The following MARCHF1 variants were observed in gnomAD, a reference collection of about 807,000 sequenced individuals.
MARCHF1 encodes membrane associated ring-CH-type finger 1, also known as E3 ubiquitin-protein ligase MARCHF1.
MARCHF1 carries 40 observed loss-of-function variants against 54.2 expected under a neutral mutation model. That is an observed-to-expected ratio of 0.74 (90% confidence interval 0.57 to 0.96). The LOEUF (loss-of-function observed/expected upper bound fraction) is 0.96, where lower values mean the gene tolerates loss of function less well. MARCHF1 is among the 40% of genes least tolerant of loss of function. MARCHF1 has a pLI of 0.00. For synonymous variants in MARCHF1, 236 were observed against 236.3 expected (o/e 1.00, Z 0.01); for missense variants, 586 against 656.5 (o/e 0.89, Z 1.17).
At chr4:163,688,135 G>A (rs1238345288) in intron 5 of MARCHF1, among the ~76,000 whole-genome samples, 2 of 151,004 alleles carry the variant, frequency 1.3e-5, no homozygotes, top group Non-Finnish European at 2.9e-5. Flanking sequence ...TAAACCACAC[G>A]AAAAACAAAT....
intron 9 of MARCHF1, among the ~76,000 whole-genome samples, chr4:163,535,433 T>C (rs1738496840): frequency 1.3e-5 from 2 of 152,144 alleles, no homozygotes; most frequent in African/African-American, 2.4e-5. Context: ...CCCAATGATC[T>C]TGACCTAGTA....
intron 3 of MARCHF1, among the ~76,000 whole-genome samples, chr4:163,854,923 T>C (rs1190056120): frequency 1.3e-5 from 2 of 152,144 alleles, no homozygotes; most frequent in Non-Finnish European, 2.9e-5. Flanking sequence ...ACAGCCTACT[T>C]TTCCACTCCA....
intron 1 of MARCHF1, among the ~76,000 whole-genome samples, chr4:164,346,577 G>T (rs1730104009): frequency 1.3e-5 from 1 of 76,916 alleles, no homozygotes; most frequent in Non-Finnish European, 2.9e-5. Context: ...GACAAATGCT[G>T]ATGTCCTCAA....
At chr4:164,274,958 A>G (rs1016848808) in intron 1 of MARCHF1, among the ~76,000 whole-genome samples, 20 of 151,338 alleles carry the variant, frequency 1.3e-4, no homozygotes, top group South Asian at 4.2e-4. Flanking sequence ...TTACAGGCGT[A>G]AGCCACCACG....
intron 3 of MARCHF1, among the ~76,000 whole-genome samples, chr4:163,867,423 T>A (rs766770008): frequency 3.3e-5 from 5 of 151,880 alleles, no homozygotes; most frequent in Non-Finnish European, 5.9e-5. Context: ...TGGATTTCCT[T>A]CCATATATGA....
intron 1 of MARCHF1, among the ~76,000 whole-genome samples, chr4:164,183,972 A>G (rs759971881): frequency 6.6e-6 from 1 of 152,198 alleles, no homozygotes; most frequent in Admixed American, 6.5e-5. Flanking sequence ...GAAGAATGAA[A>G]GTGCTCCAGG....
intron 1 of MARCHF1, among the ~76,000 whole-genome samples, chr4:164,203,888 T>C (rs1317561764): frequency 6.6e-6 from 1 of 152,198 alleles, no homozygotes; most frequent in African/African-American, 2.4e-5. Context: ...GTTACAATTG[T>C]AAAATGTGTT....
At chr4:163,807,868 A>C (rs1748270088) in intron 4 of MARCHF1, among the ~76,000 whole-genome samples, 2 of 152,192 alleles carry the variant, frequency 1.3e-5, no homozygotes, top group South Asian at 4.1e-4. Context: ...TTCTCCAAGA[A>C]GTGTTAATTA....
intron 5 of MARCHF1, among the ~76,000 whole-genome samples, chr4:163,655,210 T>G (rs764355054): frequency 1.3e-5 from 2 of 151,808 alleles, no homozygotes; most frequent in African/African-American, 2.4e-5. Context: ...AGCTTTACTC[T>G]TTTGTTTATT....
intron 3 of MARCHF1, among the ~76,000 whole-genome samples, chr4:163,942,662 T>C (rs528670358): frequency 1.3e-5 from 2 of 152,306 alleles, no homozygotes; most frequent in African/African-American, 4.8e-5. Flanking sequence ...TGAAGGGATA[T>C]GCATCTTCAA....
intron 1 of MARCHF1, among the ~76,000 whole-genome samples, chr4:164,181,925 A>G (rs1730843502): frequency 6.6e-6 from 1 of 152,138 alleles, no homozygotes; most frequent in Admixed American, 6.5e-5. Flanking sequence ...ATATAGACAA[A>G]ATTAAATCAT....
intron 2 of MARCHF1, among the ~76,000 whole-genome samples, chr4:164,077,319 C>G (rs1488995615): frequency 6.6e-6 from 1 of 152,190 alleles, no homozygotes; most frequent in Non-Finnish European, 1.5e-5. Context: ...GCAAAACTGG[C>G]TAGCCATATG....
At chr4:164,263,997 T>C (rs996994585) in intron 1 of MARCHF1, among the ~76,000 whole-genome samples, 15 of 152,184 alleles carry the variant, frequency 9.9e-5, no homozygotes, top group Non-Finnish European at 1.5e-4. Flanking sequence ...ACTGGGTATA[T>C]ACCCAGATGA....
At chr4:163,780,957 A>T (rs576246806) in intron 4 of MARCHF1, among the ~76,000 whole-genome samples, 1 of 152,240 alleles carries the variant, frequency 6.6e-6, no homozygotes, top group East Asian at 1.9e-4. Flanking sequence ...GTAATTTTCC[A>T]TCAGAGCCCG....
At position 163,935,681 on chromosome 4, in the gene MARCHF1, C is replaced by T. The variant is rs1579405197; in HGVS notation, c.-39+52820G>A. On this transcript the variant is annotated intron_variant, in intron 3 of 9. Transcript: ENST00000514618. ...ACTAAAACTTTCTCCATATCAACAA[C>T]AAGGCTGTTTTGCTTGCTTTCTTTT... is the stretch of plus-strand genomic sequence containing the variant. Among the ~76,000 whole-genome samples, 5 of 147,410 alleles carry T rather than the reference C, an allele frequency of 3.4e-5. 1 individual carries two copies. In the Middle Eastern group the frequency reaches 0.018, roughly 523 times the overall value.
At chr4:164,196,623 A>C (rs1427324142) in intron 1 of MARCHF1, among the ~76,000 whole-genome samples, 1 of 152,168 alleles carries the variant, frequency 6.6e-6, no homozygotes, top group East Asian at 1.9e-4. Context: ...AGCATTAATA[A>C]GTGGATTGTA....
At chr4:163,950,283 T>A (rs573226966) in intron 3 of MARCHF1, among the ~76,000 whole-genome samples, 2 of 152,328 alleles carry the variant, frequency 1.3e-5, no homozygotes, top group East Asian at 3.9e-4. Flanking sequence ...CTTGTGCTTA[T>A]CAGTGCCCAA....
At chr4:163,732,457 G>A (rs2111328353) in intron 4 of MARCHF1, among the ~76,000 whole-genome samples, 1 of 151,840 alleles carries the variant, frequency 6.6e-6, no homozygotes, top group Non-Finnish European at 1.5e-5. Flanking sequence ...AAGAGAGGAG[G>A]TAAAGAAAAT....
intron 4 of MARCHF1, among the ~76,000 whole-genome samples, chr4:163,733,658 A>G (rs1745948667): frequency 6.6e-6 from 1 of 151,900 alleles, no homozygotes; most frequent in Admixed American, 6.6e-5. Context: ...TTTTCTGTTC[A>G]AGAATTAGCT....
Sources: gnomAD v4.1 joint callset for allele counts (sites outside exome capture counted in the v4.1 genomes callset) on GRCh38, gnomAD v4.1.1 for gene constraint, MANE v1.5 for transcripts, NCBI Gene and HGNC (gene_info 2026-07-23, HGNC 2026-07-21) for gene names.